Variants in RC3H1 observed in about 807,000 individuals in gnomAD.
The protein encoded by RC3H1 is ring finger and CCCH-type domains 1, also known as roquin-1.
Under a neutral mutation model 138.2 loss-of-function variants are expected in RC3H1, and 50 were observed. The observed-to-expected ratio is 0.36, with a 90% CI of 0.29 to 0.46. The LOEUF is 0.46. RC3H1 is among the 20% of genes least tolerant of loss of function. RC3H1 has a pLI of 1.00. For synonymous variants in RC3H1, 462 were observed against 489.1 expected (o/e 0.94, Z 0.73); for missense variants, 1,031 against 1,388.1 (o/e 0.74, Z 4.09).
In RC3H1 at chr1:173,984,502, T is replaced by C. The variant is rs1480681030; in HGVS notation, c.349A>G (p.Arg117Gly). ...TAAGAAACAAAAACAAACTTACCTC[T>C]AGCACTGCTGAGCGGTTTTAAGTAC... ...ALYLKPLSSA[R>G]GVGLNSTTQS... The change falls in exon 3 of 20, where the codon AGA becomes GGA. Residue 117 changes from arginine to glycine, a missense_variant. Coordinates refer to ENST00000367696, the MANE Select transcript of RC3H1 (RefSeq NM_172071.4). The C allele has an allele frequency of 6.2e-7, 1 of 1,613,040 alleles. No individual in the cohort carries two copies. The highest frequency in any genetic ancestry group is 8.5e-7 in the Non-Finnish European group (1 of 1,179,678).
intron 1 of RC3H1, among the ~76,000 whole-genome samples, chr1:173,994,648 G>A (rs1486102652): frequency 1.3e-5 from 2 of 151,230 alleles, no homozygotes; most frequent in Admixed American, 6.6e-5. Flanking sequence ...AAATTAGCCA[G>A]GCGTGGTGGC....
rs1033113967 is a variant in RC3H1, at chr1:173,936,998, A to C, written c.*1723T>G. On this transcript the variant is annotated 3_prime_UTR_variant, in exon 20 of 20. Coordinates refer to ENST00000367696, the MANE Select transcript of RC3H1 (RefSeq NM_172071.4). ...TATTTAAATAAAAAAGAAAGCTCGA[A>C]TCCCAAGCCAATATGTGTATATCAA... The C allele has an allele frequency of 6.7e-6, 1 of 149,756 alleles. No homozygotes were observed. The highest frequency in any genetic ancestry group is 6.7e-5 in the Admixed American group (1 of 14,998). 9.3% of individuals were successfully genotyped at this position (149,756 alleles called of 1,614,324 possible). A position where few individuals can be genotyped will look rare whatever the true frequency, so the allele number is the denominator to read the frequency against.
In RC3H1 at chr1:173,961,831, G is replaced by A; in HGVS notation, c.2096C>T (p.Ala699Val). ...TTCTGGTACATACGATGGTACTGCT[G>A]CAGGTGGAATCTCAATGGGTATAGG... ...ESPIPIEIPPAAVPSYVPESR... is the reference protein window; with the variant it reads ...ESPIPIEIPPVAVPSYVPESR... The change falls in exon 12 of 20, where the codon GCA (alanine) becomes GTA (valine). Residue 699 changes from alanine (A) to valine (V), a missense_variant. Transcript: ENST00000367696. 1 of 1,613,998 alleles carries A rather than the reference G, an allele frequency of 6.2e-7. No homozygotes were observed. Among genetic ancestry groups the A allele is most frequent in the Non-Finnish European group, 8.5e-7 (1 of 1,180,020 alleles).
Position 173,936,081 on chromosome 1 carries a change from T to A in RC3H1, c.*2640A>T, listed in dbSNP as rs1216239217. The A allele has an allele frequency of 6.6e-6, 1 of 152,208 alleles. No individual in the cohort carries two copies. Among genetic ancestry groups the A allele is most frequent in the Non-Finnish European group, 1.5e-5 (1 of 68,042 alleles). 9.4% of individuals were successfully genotyped at this position (152,208 alleles called of 1,614,324 possible). The stretch of plus-strand genomic sequence containing the variant: ...AAATTAATCCCTGCTCCTGCCTACT[T>A]CACAGAATCAAAATGGCAAAAGCCA... On this transcript the variant is annotated 3_prime_UTR_variant, in exon 20 of 20. Transcript: ENST00000367696.
intron 18 of RC3H1, among the ~76,000 whole-genome samples, chr1:173,942,719 A>G (rs537519827): frequency 6.6e-6 from 1 of 152,030 alleles, no homozygotes; most frequent in East Asian, 1.9e-4. Context: ...AGTCCCAGCT[A>G]CTTGGGAGGC....
chr1:173,954,431 G>T (rs987729479), intron 13 of RC3H1, among the ~76,000 whole-genome samples: 1 of 152,038 alleles, frequency 6.6e-6, no homozygotes, highest in Non-Finnish European at 1.5e-5. Flanking sequence ...GGAATGGGGG[G>T]AGGGAAGGGG....
chr1:173,964,412 G>C (rs1303455378), intron 10 of RC3H1, among the ~76,000 whole-genome samples: 3 of 151,968 alleles, frequency 2.0e-5, no homozygotes, highest in African/African-American at 7.3e-5. Context: ...CTGTCACCCA[G>C]GCTGGAGTGC....
At chr1:173,980,748 T>C in intron 6 of RC3H1, 61 bp downstream of exon 6, 2 of 1,283,984 alleles carry the variant, frequency 1.6e-6, no homozygotes, top group East Asian at 2.3e-5. Context: ...TATACATTTG[T>C]TAAATGAATT....
chr1:173,950,420 C>CAAAAAAAAAAAAAAAAAAAAAAAAA lies in RC3H1; in HGVS notation c.2523+1565_2523+1566insTTTTTTTTTTTTTTTTTTTTTTTTT, dbSNP rs60259705. On this transcript the variant is annotated intron_variant, in intron 14 of 19. Coordinates refer to ENST00000367696, the MANE Select transcript of RC3H1 (RefSeq NM_172071.4). ...CAACATAGCAAGACCTCATCTCTACCAAAAAAAAAAAAAAAAAAAAAGAGC... is the reference window on the plus strand; with the variant it reads ...CAACATAGCAAGACCTCATCTCTACCAAAAAAAAAAAAAAAAAAAAAAAAAAAAAAAAAAAAAAAAAAAAAAGAGC... Among the ~76,000 whole-genome samples the CAAAAAAAAAAAAAAAAAAAAAAAAA allele has an allele frequency of 3.3e-4, 21 of 63,652 alleles. 2 individuals are homozygous for CAAAAAAAAAAAAAAAAAAAAAAAAA. The highest frequency in any genetic ancestry group is 9.7e-4 in the African/African-American group (14 of 14,396). The allele number at this position is 63,652 out of a possible 152,430, so 41.8% of individuals were successfully genotyped here.
intron 14 of RC3H1, 136 bp from the exon 15 acceptor site, chr1:173,947,718 T>C: frequency 3.0e-6 from 2 of 674,374 alleles, no homozygotes; most frequent in East Asian, 2.7e-5. Context: ...TTACCTTTGG[T>C]TGTTTTTATG....
At position 173,964,359 on chromosome 1, in the gene RC3H1, CT is replaced by C. The variant is rs541820550; in HGVS notation, c.1617-173del. On this transcript the variant is annotated intron_variant, in intron 10 of 19. Transcript: ENST00000367696. Reference sequence around the variant, plus strand: ...TTCCCCTATGTTAATTGTTTCTTTTCTTTTTTTTTTGAGACAGAGTCTCGCT... The same window carrying C: ...TTCCCCTATGTTAATTGTTTCTTTTCTTTTTTTTTGAGACAGAGTCTCGCT... Among the ~76,000 whole-genome samples the C allele has an allele frequency of 1.7e-4, 20 of 120,494 alleles. No individual in the cohort carries two copies. In the South Asian group the frequency reaches 2.4e-3, roughly 14 times the overall value. The allele number at this position is 120,494 out of a possible 152,430, so 79.0% of individuals were successfully genotyped here. A position where few individuals can be genotyped will look rare whatever the true frequency, so the allele number is the denominator to read the frequency against.
chr1:173,974,556 G>C (rs1660494606), intron 7 of RC3H1, among the ~76,000 whole-genome samples: 1 of 152,068 alleles, frequency 6.6e-6, no homozygotes, highest in African/African-American at 2.4e-5. Flanking sequence ...TATACCAAGG[G>C]AAAAACATCC....
At chr1:173,999,281 A>C (rs901731018) in intron 1 of RC3H1, among the ~76,000 whole-genome samples, 3 of 151,700 alleles carry the variant, frequency 2.0e-5, no homozygotes, top group African/African-American at 7.3e-5. Flanking sequence ...TCGCGAGGCC[A>C]AGGCAGGAGA....
At position 173,984,571 on chromosome 1, in the gene RC3H1, T is replaced by C. The variant is rs1660947222; in HGVS notation, c.280A>G (p.Lys94Glu). Residue 94 changes from lysine to glutamate, a missense_variant, in exon 3 of 20, where the codon AAG (lysine) becomes GAG (glutamate). Transcript: ENST00000367696. The part of the protein sequence containing the change: ...ITLCSGVEDT[K>E]HYEEAKKCVE... ...CATTTCTTGGCTTCCTCATAATGCTTTGTGTCTTCAACCCCACTACACAAA... is the reference window on the plus strand; with the variant it reads ...CATTTCTTGGCTTCCTCATAATGCTCTGTGTCTTCAACCCCACTACACAAA... The C allele has an allele frequency of 6.2e-7, 1 of 1,613,964 alleles. No individual in the cohort carries two copies. The highest frequency in any genetic ancestry group is 1.3e-5 in the African/African-American group (1 of 74,932).
intron 14 of RC3H1, among the ~76,000 whole-genome samples, chr1:173,951,325 C>G (rs949757482): frequency 6.6e-6 from 1 of 151,536 alleles, no homozygotes; most frequent in Non-Finnish European, 1.5e-5. Flanking sequence ...AACTCCATCC[C>G]CCCCCCAAAA....
intron 2 of RC3H1, among the ~76,000 whole-genome samples, chr1:173,992,274 A>G (rs923773999): frequency 2.6e-5 from 4 of 152,056 alleles, no homozygotes; most frequent in African/African-American, 7.2e-5. Flanking sequence ...CCTCCCAAGT[A>G]GCTGGGATTA....
At chr1:173,984,663 A>C in intron 2 of RC3H1, 44 bp from the exon 3 acceptor site, 1 of 1,592,646 alleles carries the variant, frequency 6.3e-7, no homozygotes, top group South Asian at 1.1e-5. Flanking sequence ...TCAATTCATT[A>C]ATTGTTTTAT....
intron 1 of RC3H1, among the ~76,000 whole-genome samples, chr1:173,995,148 G>GA (rs1206911639): frequency 6.6e-6 from 1 of 152,146 alleles, no homozygotes; most frequent in Admixed American, 6.6e-5. Flanking sequence ...ACTGCTGAAC[G>GA]AAAGTTAAGG....
At position 173,946,769 on chromosome 1, in the gene RC3H1, A is replaced by G. The variant is rs1659155405; in HGVS notation, c.2805T>C (p.Pro935=). The change falls in exon 16 of 20, where the codon CCT becomes CCC. Residue 935 remains proline (P), a synonymous_variant. Transcript: ENST00000367696. ...ACCTCTCACTGAAGTGTCCCTGAGA[A>G]GGTATGTTTTGATGAGGTGAATATG... The part of the protein sequence containing the change: ...ASPYSPHQNI[P]SQGHFSERER... The G allele has an allele frequency of 6.2e-7, 1 of 1,613,760 alleles. No individual in the cohort carries two copies. Among genetic ancestry groups the G allele is most frequent in the East Asian group, 2.2e-5 (1 of 44,882 alleles).
Sources: allele counts gnomAD v4.1 joint callset (sites outside exome capture counted in the v4.1 genomes callset), GRCh38; gene constraint gnomAD v4.1.1; transcripts MANE v1.5; gene names NCBI Gene and HGNC (gene_info 2026-07-23, HGNC 2026-07-21).